Variants in WAPL observed in about 807,000 individuals in gnomAD.
The protein encoded by WAPL is wings apart-like protein homolog.
Under a neutral mutation model 121.0 loss-of-function variants are expected in WAPL, and 5 were observed. That is an observed-to-expected ratio of 0.04 (90% CI 0.02 to 0.09). The LOEUF is 0.09. Among genes scored for constraint, WAPL ranks in the 10% least tolerant of loss-of-function variants. The pLI is 1.00. For missense variants in WAPL, 999 were observed against 1,410.8 expected (o/e 0.71, Z 4.68); for synonymous variants, 480 against 481.5 (o/e 1.00, Z 0.04).
Position 86,436,312 on chromosome 10 carries a change from C to A in WAPL, c.*1231G>T, listed in dbSNP as rs1849319627. The stretch of plus-strand genomic sequence containing the variant: ...AATCCAATGAAGAAACATGATGTAA[C>A]TACCTGAAAGGTATTTAAAAGTATT... On this transcript the variant is annotated 3_prime_UTR_variant, in exon 19 of 19. Transcript: ENST00000298767. 6.6e-6 allele frequency: 1 copy of A among 152,358 alleles called. No individual in the cohort carries two copies. The allele number at this position is 152,358 out of a possible 1,614,324, so 9.4% of individuals were successfully genotyped here. A position where few individuals can be genotyped will look rare whatever the true frequency, so the allele number is the denominator to read the frequency against.
In WAPL at chr10:86,444,975, A is replaced by G. The variant is rs184373334; in HGVS notation, c.3322+1267T>C. ...AGACAAGTATTACAATATTAAAACTAATGGTGATCAGATTTGGGGAGGAGT... is the reference window on the plus strand; with the variant it reads ...AGACAAGTATTACAATATTAAAACTGATGGTGATCAGATTTGGGGAGGAGT... On this transcript the variant is annotated intron_variant, in intron 16 of 18. Coordinates refer to ENST00000298767, the MANE Select transcript of WAPL (RefSeq NM_015045.5). Among the ~76,000 whole-genome samples the G allele has an allele frequency of 2.6e-5, 4 of 152,074 alleles. No homozygotes were observed. In the East Asian group the frequency reaches 7.7e-4, roughly 29 times the overall value.
chr10:86,461,548 G>A (rs1841275587), intron 9 of WAPL, among the ~76,000 whole-genome samples: 2 of 152,112 alleles, frequency 1.3e-5, no homozygotes, highest in South Asian at 4.1e-4. Context: ...TATTTCTACA[G>A]TATACAGGTC....
chr10:86,512,425 G>A (rs1408912359), intron 2 of WAPL, among the ~76,000 whole-genome samples: 2 of 152,212 alleles, frequency 1.3e-5, no homozygotes, highest in African/African-American at 4.8e-5. Flanking sequence ...ATAAGTCTTT[G>A]CACACTTTAT....
chr10:86,503,246 T>C (rs974619701), intron 2 of WAPL, among the ~76,000 whole-genome samples: 1 of 150,762 alleles, frequency 6.6e-6, no homozygotes, highest in African/African-American at 2.4e-5. Flanking sequence ...GAGGTGGAAA[T>C]AGCAAATGTT....
At chr10:86,466,875 A>G (rs1841410540) in intron 9 of WAPL, among the ~76,000 whole-genome samples, 1 of 151,818 alleles carries the variant, frequency 6.6e-6, no homozygotes, top group East Asian at 1.9e-4. Context: ...ATTTTTTTGT[A>G]TTTTCTGCAG....
chr10:86,487,024 G>C (rs942487473), intron 4 of WAPL, among the ~76,000 whole-genome samples: 1 of 152,036 alleles, frequency 6.6e-6, no homozygotes, highest in Non-Finnish European at 1.5e-5. Context: ...GTTATGGTTA[G>C]TTTCATCAAT....
At chr10:86,489,041 C>G (rs901085546) in intron 4 of WAPL, among the ~76,000 whole-genome samples, 15 of 152,206 alleles carry the variant, frequency 9.9e-5, no homozygotes, top group African/African-American at 3.6e-4. Context: ...ATGGCATCTC[C>G]TCTGTATTGC....
intron 4 of WAPL, among the ~76,000 whole-genome samples, chr10:86,481,310 T>C (rs1461617492): frequency 6.6e-6 from 1 of 152,164 alleles, no homozygotes; most frequent in African/African-American, 2.4e-5. Flanking sequence ...CAAGAAATAT[T>C]ACTAAATTTT....
intron 16 of WAPL, among the ~76,000 whole-genome samples, chr10:86,445,481 T>C (rs1275695605): frequency 6.6e-6 from 1 of 152,000 alleles, no homozygotes; most frequent in Non-Finnish European, 1.5e-5. Flanking sequence ...CTGACAACAG[T>C]AGATACTCAA....
At chr10:86,438,751 A>G (rs898144290) in intron 17 of WAPL, among the ~76,000 whole-genome samples, 2 of 152,196 alleles carry the variant, frequency 1.3e-5, no homozygotes, top group East Asian at 1.9e-4. Flanking sequence ...TCAACTAATT[A>G]TATAGGACAG....
At position 86,500,295 on chromosome 10, in the gene WAPL, G is replaced by A. The variant is rs368984366; in HGVS notation, c.948C>T (p.Asp316=). 6 of 1,614,058 alleles carry A rather than the reference G, an allele frequency of 3.7e-6. No homozygotes were observed. The highest frequency in any genetic ancestry group is 4.5e-5 in the East Asian group (2 of 44,902). ...CTTTGGCTAAGGCCTGACTGGTGCCGTCCATCAGCTTATCAAAATTTGATG... is the reference window on the plus strand; with the variant it reads ...CTTTGGCTAAGGCCTGACTGGTGCCATCCATCAGCTTATCAAAATTTGATG... ...QGASNFDKLM[D]GTSQALAKAN... is the part of the protein sequence containing the mutation. The change falls in exon 3 of 19, where the codon GAC becomes GAT. Residue 316 remains aspartate, a synonymous_variant. Transcript: ENST00000298767.
At position 86,497,299 on chromosome 10, in the gene WAPL, C is replaced by A; in HGVS notation, c.1546G>T (p.Asp516Tyr). 1.2e-6 allele frequency: 2 copies of A among 1,608,752 alleles called. No individual in the cohort carries two copies. The highest frequency in any genetic ancestry group is 1.7e-6 in the Non-Finnish European group (2 of 1,178,898). Residue 516 changes from aspartate to tyrosine, a missense_variant, in exon 4 of 19, where the codon GAC (aspartate) becomes TAC (tyrosine). Asp to Tyr is a radical substitution (Grantham distance 160). Coordinates refer to ENST00000298767, the MANE Select transcript of WAPL (RefSeq NM_015045.5). Reference sequence around the variant, plus strand: ...ACACTTTCAGGCACACCAGGCAAGTCCTCTGTAAAATCCAAGTTTTCTGAA... The same window carrying A: ...ACACTTTCAGGCACACCAGGCAAGTACTCTGTAAAATCCAAGTTTTCTGAA... ...NNAENLDFTEDLPGVPESVKK... is the reference protein window; with the variant it reads ...NNAENLDFTEYLPGVPESVKK...
At chr10:86,507,056 A>G (rs1259540719) in intron 2 of WAPL, among the ~76,000 whole-genome samples, 5 of 150,318 alleles carry the variant, frequency 3.3e-5, no homozygotes, top group Admixed American at 2.6e-4. Context: ...ATAAGTAAGG[A>G]AAGATTTAAA....
intron 4 of WAPL, among the ~76,000 whole-genome samples, chr10:86,492,040 G>A (rs1034996232): frequency 6.6e-6 from 1 of 152,004 alleles, no homozygotes; most frequent in Non-Finnish European, 1.5e-5. Flanking sequence ...CTCATCCCTG[G>A]TATCCACCAT....
intron 16 of WAPL, 83 bp downstream of exon 16, chr10:86,446,159 T>C (rs1055813315): frequency 2.7e-6 from 4 of 1,471,624 alleles, no homozygotes; most frequent in African/African-American, 2.8e-5. Context: ...ATTAAGACAA[T>C]CTGCAAATTA....
intron 16 of WAPL, 51 bp downstream of exon 16, chr10:86,446,191 A>G (rs1400519335): frequency 6.3e-7 from 1 of 1,597,638 alleles, no homozygotes. Flanking sequence ...AGAAAAAAAC[A>G]AAATCAAACC....
rs7903403 is a variant in WAPL, at chr10:86,490,444, A to G, written c.1644+6757T>C. Among the ~76,000 whole-genome samples the G allele has an allele frequency of 8.6e-3, 1,304 of 152,314 alleles. 17 individuals carry two copies. Among genetic ancestry groups the G allele is most frequent in the African/African-American group, 0.03 (1,233 of 41,570 alleles). On this transcript the variant is annotated intron_variant, in intron 4 of 18. Coordinates refer to ENST00000298767, the MANE Select transcript of WAPL (RefSeq NM_015045.5). ...TTGTAATCAGGTCAAGTACATGTAC[A>G]CTGCTGCCTTCTAAGCTATGTTACT...
chr10:86,458,759 G>T (rs371658577), intron 12 of WAPL, among the ~76,000 whole-genome samples: 2 of 152,026 alleles, frequency 1.3e-5, no homozygotes, highest in African/African-American at 4.8e-5. Flanking sequence ...AGCTTGATTT[G>T]TACATTACAA....
Position 86,440,193 on chromosome 10 carries a change from C to T in WAPL, c.3412-2178G>A, listed in dbSNP as rs549860073. Among the ~76,000 whole-genome samples the T allele has an allele frequency of 4.6e-5, 7 of 152,012 alleles. No individual in the cohort carries two copies. In the East Asian group the frequency reaches 7.7e-4, roughly 17 times the overall value. On this transcript the variant is annotated intron_variant, in intron 17 of 18. Transcript: ENST00000298767. ...TGTGGTAATAACACAATTTCAAGAA[C>T]GATTATGTAAGAAAGAACGTGACTG... is the stretch of plus-strand genomic sequence containing the variant.
Sources: gnomAD v4.1 joint callset for allele counts (sites outside exome capture counted in the v4.1 genomes callset) on GRCh38, gnomAD v4.1.1 for gene constraint, MANE v1.5 for transcripts, NCBI Gene and HGNC (gene_info 2026-07-23, HGNC 2026-07-21) for gene names.